NRXN3: variants seen among roughly 807,000 people sequenced by gnomAD.
NRXN3 encodes neurexin III.
NRXN3 carries 32 observed loss-of-function variants against 137.6 expected under a neutral mutation model. The ratio of observed to expected loss-of-function variants is 0.23; its 90% CI spans 0.18 to 0.31. The LOEUF is 0.31. NRXN3 is among the 10% of genes least tolerant of loss of function. The probability of loss-of-function intolerance (pLI) is 1.00; values close to 1 mark genes in which losing one functional copy is unlikely to be tolerated. For synonymous variants in NRXN3, 798 were observed against 784.5 expected (o/e 1.02, Z -0.29); for missense variants, 1,574 against 2,062.5 (o/e 0.76, Z 4.59).
intron 4 of NRXN3, among the ~76,000 whole-genome samples, chr14:78,624,607 T>C (rs536497811): frequency 2.6e-5 from 4 of 152,092 alleles, no homozygotes; most frequent in African/African-American, 7.2e-5. Flanking sequence ...CAGAAGAGAA[T>C]TGCAGGACCA....
intron 10 of NRXN3, among the ~76,000 whole-genome samples, chr14:78,872,931 G>A (rs1369881234): frequency 1.3e-5 from 2 of 152,250 alleles, no homozygotes; most frequent in East Asian, 3.9e-4. Flanking sequence ...GCCTCTTCAA[G>A]TCAGATTCCA....
intron 9 of NRXN3, 129 bp from the exon 10 acceptor site, chr14:78,810,187 TTA>T: frequency 1.6e-6 from 1 of 627,248 alleles, no homozygotes; most frequent in East Asian, 3.1e-5. Flanking sequence ...TGTACATACT[TTA>T]TATATATAAA....
intron 10 of NRXN3, among the ~76,000 whole-genome samples, chr14:78,938,526 G>C (rs1017685867): frequency 3.9e-5 from 6 of 152,078 alleles, no homozygotes; most frequent in African/African-American, 1.4e-4. Context: ...CAGGAAGGTT[G>C]GATAATCCTA....
At chr14:78,339,853 C>T (rs533569796) in intron 4 of NRXN3, among the ~76,000 whole-genome samples, 5 of 152,250 alleles carry the variant, frequency 3.3e-5, no homozygotes, top group African/African-American at 1.2e-4. Context: ...AGAAGAAGTA[C>T]GTCTCAGGTC....
At chr14:78,503,676 C>T (rs1201773885) in intron 4 of NRXN3, among the ~76,000 whole-genome samples, 2 of 152,114 alleles carry the variant, frequency 1.3e-5, no homozygotes, top group East Asian at 3.9e-4. Context: ...TTTCATTCTT[C>T]CTGACCAGAG....
chr14:78,632,921 A>C (rs1267009830), intron 4 of NRXN3, among the ~76,000 whole-genome samples: 1 of 152,056 alleles, frequency 6.6e-6, no homozygotes, highest in Non-Finnish European at 1.5e-5. Context: ...AAAATAAAAA[A>C]TCTTCTGATG....
At chr14:79,844,773 T>A (rs2141543933) in intron 20 of NRXN3, among the ~76,000 whole-genome samples, 1 of 152,290 alleles carries the variant, frequency 6.6e-6, no homozygotes, top group African/African-American at 2.4e-5. Flanking sequence ...GGCAAATAAG[T>A]ATTGACTTTA....
intron 8 of NRXN3, among the ~76,000 whole-genome samples, chr14:78,734,625 C>T (rs1290068166): frequency 6.6e-6 from 1 of 152,160 alleles, no homozygotes; most frequent in Non-Finnish European, 1.5e-5. Flanking sequence ...TATGGAGAGC[C>T]AGCCCTAGTT....
chr14:79,416,219 C>T (rs2095494705), intron 15 of NRXN3, among the ~76,000 whole-genome samples: 1 of 152,086 alleles, frequency 6.6e-6, no homozygotes, highest in South Asian at 2.1e-4. Context: ...CTCCTGGCAA[C>T]CTTCTCTTTT....
intron 4 of NRXN3, among the ~76,000 whole-genome samples, chr14:78,476,362 T>C (rs933901415): frequency 6.6e-6 from 1 of 152,248 alleles, no homozygotes; most frequent in African/African-American, 2.4e-5. Flanking sequence ...GGAGGTGATA[T>C]TAAATTGAAA....
At chr14:78,798,255 A>G (rs1051538903) in intron 8 of NRXN3, among the ~76,000 whole-genome samples, 1 of 152,210 alleles carries the variant, frequency 6.6e-6, no homozygotes, top group Admixed American at 6.5e-5. Context: ...GCATTGCATA[A>G]ATATAGCCAT....
intron 10 of NRXN3, among the ~76,000 whole-genome samples, chr14:78,841,571 T>C (rs999013095): frequency 6.6e-6 from 1 of 152,118 alleles, no homozygotes; most frequent in African/African-American, 2.4e-5. Context: ...TCCCAAATCA[T>C]TTTTTATCAA....
intron 15 of NRXN3, among the ~76,000 whole-genome samples, chr14:79,092,927 G>A (rs760954877): frequency 5.3e-5 from 8 of 152,304 alleles, no homozygotes; most frequent in South Asian, 4.1e-4. Flanking sequence ...CTAACCCTGA[G>A]TACTGCTGGG....
chr14:79,530,888 A>G (rs1282327078), intron 16 of NRXN3, among the ~76,000 whole-genome samples: 2 of 152,318 alleles, frequency 1.3e-5, no homozygotes, highest in East Asian at 3.9e-4. Flanking sequence ...ATATAGAAAT[A>G]ACACAAACCA....
intron 16 of NRXN3, among the ~76,000 whole-genome samples, chr14:79,652,603 AAG>A (rs1487657292): frequency 6.6e-6 from 1 of 152,110 alleles, no homozygotes; most frequent in Admixed American, 6.5e-5. Context: ...ATTCTATCGA[AAG>A]AGCACATAGC....
intron 6 of NRXN3, among the ~76,000 whole-genome samples, chr14:78,673,649 T>C (rs918405440): frequency 6.6e-6 from 1 of 152,216 alleles, no homozygotes; most frequent in Non-Finnish European, 1.5e-5. Flanking sequence ...GGCCTGCTTC[T>C]TGGTCTGCAG....
chr14:79,209,764 T>C (rs1160770385), intron 15 of NRXN3, among the ~76,000 whole-genome samples: 1 of 152,362 alleles, frequency 6.6e-6, no homozygotes, highest in South Asian at 2.1e-4. Flanking sequence ...AAGATGTCTA[T>C]ATATGATGAA....
chr14:78,288,288 C>A (rs969886378), intron 3 of NRXN3, among the ~76,000 whole-genome samples: 4 of 152,108 alleles, frequency 2.6e-5, no homozygotes, highest in Non-Finnish European at 5.9e-5. Context: ...CCTGGACTCC[C>A]TTTTTCTAGA....
intron 4 of NRXN3, among the ~76,000 whole-genome samples, chr14:78,476,076 C>T (rs527416476): frequency 1.3e-5 from 2 of 152,270 alleles, no homozygotes; most frequent in Non-Finnish European, 2.9e-5. Flanking sequence ...TTCCCAATGA[C>T]ATTGCTATAT....
Sources: allele counts gnomAD v4.1 joint callset (sites outside exome capture counted in the v4.1 genomes callset), GRCh38; gene constraint gnomAD v4.1.1; transcripts MANE v1.5; gene names NCBI Gene and HGNC (gene_info 2026-07-23, HGNC 2026-07-21).